Variants in CEP290 observed in about 807,000 individuals in gnomAD.
CEP290 encodes centrosomal protein 290, also known as centrosomal protein of 290 kDa.
CEP290 carries 317 observed loss-of-function variants against 344.9 expected under a neutral mutation model. The ratio of observed to expected loss-of-function variants is 0.92; its 90% confidence interval spans 0.84 to 1.01. The LOEUF is 1.01. Among genes scored for constraint, CEP290 ranks in the 50% least tolerant of loss-of-function variants. The pLI is 0.00. For synonymous variants in CEP290, 932 were observed against 895.8 expected (o/e 1.04, Z -0.72); for missense variants, 2,754 against 2,761.4 (o/e 1.00, Z 0.06).
chr12:88,059,710 A>C (rs930850189), intron 48 of CEP290, among the ~76,000 whole-genome samples, 188 bp downstream of exon 48: 1 of 152,164 alleles, frequency 6.6e-6, no homozygotes, highest in Non-Finnish European at 1.5e-5. Flanking sequence ...CCCAGCCTAA[A>C]TGTATTAACT....
At position 88,089,039 on chromosome 12, in the gene CEP290, G is replaced by A; in HGVS notation, c.4022C>T (p.Ala1341Val). The change falls in exon 31 of 54, where the codon GCC becomes GTC. Residue 1341 changes from alanine to valine, a missense_variant. Ala to Val is a moderately conservative substitution (Grantham distance 64, BLOSUM62 0). Coordinates refer to ENST00000552810, the MANE Select transcript of CEP290 (RefSeq NM_025114.4). ...LISTLKDTKG[A>V]QKVINWHMKI... The stretch of plus-strand genomic sequence containing the variant: ...TCAAGTTTAAATGTTTACCTTTTGG[G>A]CTCCTTTGGTATCCTTTAAAGTGCT... The A allele has an allele frequency of 6.7e-7, 1 of 1,483,696 alleles. No homozygotes were observed. The highest frequency in any genetic ancestry group is 8.9e-7 in the Non-Finnish European group (1 of 1,117,550). The allele number at this position is 1,483,696 out of a possible 1,614,324, so 91.9% of individuals were successfully genotyped here.
At chr12:88,137,183 AC>A (rs1215268618) in intron 5 of CEP290, among the ~76,000 whole-genome samples, 2 of 152,116 alleles carry the variant, frequency 1.3e-5, no homozygotes, top group Non-Finnish European at 2.9e-5. Context: ...CATACCATGC[AC>A]TGTTTAGACC....
intron 4 of CEP290, 46 bp from the exon 5 acceptor site, chr12:88,139,237 C>T (rs1565929349): frequency 1.3e-6 from 1 of 761,522 alleles, no homozygotes. Flanking sequence ...GATTAGTTAC[C>T]ACAAAACAAA....
chr12:88,129,451 T>A (rs1269224851), intron 10 of CEP290, among the ~76,000 whole-genome samples: 1 of 151,758 alleles, frequency 6.6e-6, no homozygotes, highest in Non-Finnish European at 1.5e-5. Context: ...GAAAACCCCA[T>A]AATGACTGCT....
chr12:88,125,825 G>A (rs1279222572), intron 12 of CEP290, among the ~76,000 whole-genome samples: 3 of 151,688 alleles, frequency 2.0e-5, no homozygotes, highest in Non-Finnish European at 4.4e-5. Context: ...CTTCTTACTT[G>A]TGGACTATAA....
chr12:88,049,289 T>G lies in CEP290; in HGVS notation c.7335A>C (p.Val2445=), dbSNP rs565729847. ...VKKNILLEEK[V]KKLSEQLGVE... ...CTCCCAATTGTTCTGAAAGTTTTTTTACCTTCTCTTCTAAGAGAATATTCT... is the reference window on the plus strand; with the variant it reads ...CTCCCAATTGTTCTGAAAGTTTTTTGACCTTCTCTTCTAAGAGAATATTCT... The change falls in exon 54 of 54, where the codon GTA becomes GTC. Residue 2445 remains valine (V), a synonymous_variant. Transcript: ENST00000552810. The G allele has an allele frequency of 6.2e-7, 1 of 1,606,750 alleles. No homozygotes were observed. The highest frequency in any genetic ancestry group is 1.3e-5 in the African/African-American group (1 of 74,892).
In CEP290 at chr12:88,089,113, G is replaced by C. The variant is rs1361449401; in HGVS notation, c.3948C>G (p.Asn1316Lys). 7 of 1,573,206 alleles carry C rather than the reference G, an allele frequency of 4.4e-6. No homozygotes were observed. In the African/African-American group the frequency reaches 6.9e-5, roughly 15 times the overall value. The change falls in exon 31 of 54, where the codon AAC becomes AAG. Residue 1316 changes from asparagine (N) to lysine (K), a missense_variant. By Grantham distance (94) the Asn-to-Lys change is moderately conservative (BLOSUM62 0). Coordinates refer to ENST00000552810, the MANE Select transcript of CEP290 (RefSeq NM_025114.4). ...ATTTTAATTCCATCTCCAATGTTTT[G>C]TTCTCCATATTTCTATGTTCTTGTT... ...NSQQEHRNME[N>K]KTLEMELKLK...
At chr12:88,107,410 T>G (rs2038364701) in intron 23 of CEP290, among the ~76,000 whole-genome samples, 1 of 151,842 alleles carries the variant, frequency 6.6e-6, no homozygotes, top group South Asian at 2.1e-4. Flanking sequence ...AGAAAAAAAG[T>G]AGGAAAATAA....
rs1172780916 is a variant in CEP290 at position 88,118,562 on chromosome 12, A to T, written c.1632T>A (p.Ser544Arg). The change falls in exon 17 of 54, where the codon AGT becomes AGA. Residue 544 changes from serine to arginine, a missense_variant. Ser to Arg is a moderately radical substitution (Grantham distance 110, BLOSUM62 -1). Transcript: ENST00000552810. ...ENQILLKEIESLEEERLDLKK... is the reference protein window; with the variant it reads ...ENQILLKEIERLEEERLDLKK... The stretch of plus-strand genomic sequence containing the variant: ...TCAGATCAAGTCGTTCTTCCTCTAG[A>T]CTTTCAATCTGCAAAGTATAAATTA... 6.3e-7 allele frequency: 1 copy of T among 1,598,034 alleles called. No homozygotes were observed. The highest frequency in any genetic ancestry group is 1.3e-5 in the African/African-American group (1 of 74,676).
rs747878752 is a variant in CEP290 at position 88,079,242 on chromosome 12, CA to C, written c.5227-14del. 3,310 of 1,219,582 alleles carry C rather than the reference CA, an allele frequency of 2.7e-3. No individual in the cohort carries two copies. Among genetic ancestry groups the C allele is most frequent in the Admixed American group, 4.8e-3 (187 of 39,188 alleles). The allele number at this position is 1,219,582 out of a possible 1,614,324, so 75.5% of individuals were successfully genotyped here. On this transcript the variant is annotated splice_polypyrimidine_tract_variant and intron_variant, in intron 38 of 53. Transcript: ENST00000552810. Reference sequence around the variant, plus strand: ...CCCGACTAAGTGCCTAAAAATTAACCAAAAAAAAAATGTAATTTTTAAAGGA... The same window carrying C: ...CCCGACTAAGTGCCTAAAAATTAACCAAAAAAAAATGTAATTTTTAAAGGA...
Position 88,111,878 on chromosome 12 carries a change from T to G in CEP290, c.2053-20A>C. On this transcript the variant is annotated intron_variant, in intron 20 of 53. Transcript: ENST00000552810. ...TATAGCCTAGCAAATTTATATTATA[T>G]ATTAGAAATGTGGAGAAAAACAGTA... 6.8e-7 allele frequency: 1 copy of G among 1,460,128 alleles called. No individual in the cohort carries two copies. 90.4% of individuals were successfully genotyped at this position (1,460,128 alleles called of 1,614,324 possible).
intron 22 of CEP290, 65 bp downstream of exon 22, chr12:88,111,137 T>C (rs2038659425): frequency 3.3e-6 from 3 of 896,060 alleles, no homozygotes; most frequent in Non-Finnish European, 4.6e-6. Context: ...TAAAGAAACA[T>C]ACTACCAATG....
rs529096443 is a variant in CEP290 at position 88,060,404 on chromosome 12, G to A, written c.6523-384C>T. 2.2e-4 allele frequency among the ~76,000 whole-genome samples: 34 copies of A among 152,094 alleles called. No individual in the cohort carries two copies. In the East Asian group the frequency reaches 6.2e-3, roughly 28 times the overall value. On this transcript the variant is annotated intron_variant, in intron 47 of 53. Coordinates refer to ENST00000552810, the MANE Select transcript of CEP290 (RefSeq NM_025114.4). ...GAAACCCCATCTCTACTAAAAATACGAAAAGTTAGCCAGGCGTGGTGGTGG... is the reference window on the plus strand; with the variant it reads ...GAAACCCCATCTCTACTAAAAATACAAAAAGTTAGCCAGGCGTGGTGGTGG...
chr12:88,094,692 A>G (rs2037305209), intron 27 of CEP290, among the ~76,000 whole-genome samples: 1 of 151,954 alleles, frequency 6.6e-6, no homozygotes, highest in Non-Finnish European at 1.5e-5. Context: ...AAGAAAACAT[A>G]CTTTTGCTTT....
In CEP290 at chr12:88,080,376, C is replaced by T; in HGVS notation, c.5032G>A (p.Asp1678Asn). 1 of 1,612,298 alleles carries T rather than the reference C, an allele frequency of 6.2e-7. No homozygotes were observed. Among genetic ancestry groups the T allele is most frequent in the Non-Finnish European group, 8.5e-7 (1 of 1,179,106 alleles). The part of the protein sequence containing the change: ...IKLQLQENHE[D>N]EVKKVKAEVE... ...TCCGCTTTTACTTTTTTCACTTCAT[C>T]TTCATGGTTTTCTTGAAGCCTGATG... Residue 1678 changes from aspartate to asparagine, a missense_variant, in exon 38 of 54, where the codon GAT becomes AAT. Transcript: ENST00000552810.
At chr12:88,065,014 T>C (rs753559525) in intron 44 of CEP290, among the ~76,000 whole-genome samples, 19 of 152,148 alleles carry the variant, frequency 1.2e-4, no homozygotes, top group Non-Finnish European at 2.5e-4. Context: ...TGAATCTACA[T>C]TGGGTCATTA....
Position 88,067,503 on chromosome 12 carries a change from C to A in CEP290, c.6135+1019G>T, listed in dbSNP as rs1476342785. Among the ~76,000 whole-genome samples the A allele has an allele frequency of 2.0e-5, 3 of 151,984 alleles. No individual in the cohort carries two copies. In the East Asian group the frequency reaches 5.8e-4, roughly 30 times the overall value. ...TGTGCATCACCCTCAGCTCACTAAG[C>A]CACGGCATCAGCAACTGTCACATAA... is the stretch of plus-strand genomic sequence containing the variant. On this transcript the variant is annotated intron_variant, in intron 44 of 53. Transcript: ENST00000552810.
rs2081179795 is a variant in CEP290, at chr12:88,139,667, T to C, written c.181-103A>G. Reference sequence around the variant, plus strand: ...TTGTTATGATCCTTAGTGCCAGCAATGGCTGGCACATGGAGACGTTCAGTA... The same window carrying C: ...TTGTTATGATCCTTAGTGCCAGCAACGGCTGGCACATGGAGACGTTCAGTA... On this transcript the variant is annotated intron_variant, in intron 3 of 53. Coordinates refer to ENST00000552810, the MANE Select transcript of CEP290 (RefSeq NM_025114.4). 4.9e-6 allele frequency: 4 copies of C among 819,536 alleles called. No individual in the cohort carries two copies. In the East Asian group the frequency reaches 9.1e-5, roughly 19 times the overall value. The allele number at this position is 819,536 out of a possible 1,614,324, so 50.8% of individuals were successfully genotyped here.
chr12:88,099,923 T>G (rs2037740763), intron 26 of CEP290, among the ~76,000 whole-genome samples: 1 of 151,484 alleles, frequency 6.6e-6, no homozygotes, highest in Admixed American at 6.6e-5. Context: ...TCTTCATCAC[T>G]CTCTCCCTAG....
Sources: gnomAD v4.1 joint callset for allele counts (sites outside exome capture counted in the v4.1 genomes callset) on GRCh38, gnomAD v4.1.1 for gene constraint, MANE v1.5 for transcripts, NCBI Gene and HGNC (gene_info 2026-07-23, HGNC 2026-07-21) for gene names.